CACNG5: variants seen among roughly 807,000 people sequenced by gnomAD.
CACNG5 encodes calcium voltage-gated channel auxiliary subunit gamma 5, also known as voltage-dependent calcium channel gamma-5 subunit.
A neutral mutation model predicts 24.8 loss-of-function variants in CACNG5; 18 were observed. The observed-to-expected ratio is 0.73, with a 90% CI of 0.50 to 1.08. The LOEUF (loss-of-function observed/expected upper bound fraction) is 1.08. CACNG5 is among the 50% of genes least tolerant of loss of function. The pLI, the probability that CACNG5 is intolerant of heterozygous loss-of-function variation, is 0.00. For synonymous variants in CACNG5, 157 were observed against 149.1 expected, an observed-to-expected ratio of 1.05 and a Z score of -0.39; for missense variants, 349 against 367.9, an observed-to-expected ratio of 0.95 and a Z score of 0.42.
chr17:66,841,157 T>C (rs1976562147), intron 1 of CACNG5, among the ~76,000 whole-genome samples: 1 of 152,160 alleles, frequency 6.6e-6, no homozygotes, highest in Non-Finnish European at 1.5e-5. Flanking sequence ...CCAATCAATA[T>C]ATGTAAGATG....
intron 1 of CACNG5, among the ~76,000 whole-genome samples, chr17:66,855,404 GA>G (rs1318948267): frequency 6.6e-6 from 1 of 152,198 alleles, no homozygotes; most frequent in Non-Finnish European, 1.5e-5. Context: ...ATGTTCAACC[GA>G]CAGGGGGCGA....
At chr17:66,872,190 G>A (rs527475150) in intron 1 of CACNG5, among the ~76,000 whole-genome samples, 17 of 152,220 alleles carry the variant, frequency 1.1e-4, no homozygotes, top group Non-Finnish European at 2.1e-4. Flanking sequence ...TTTTGTATAC[G>A]GTTGAGTTTA....
intron 4 of CACNG5, among the ~76,000 whole-genome samples, chr17:66,882,329 G>A (rs1977170949): frequency 6.6e-6 from 1 of 152,154 alleles, no homozygotes; most frequent in South Asian, 2.1e-4. Context: ...TTTAGTGTGG[G>A]AAATGCTGAG....
At chr17:66,873,684 T>C (rs1260308551) in intron 1 of CACNG5, among the ~76,000 whole-genome samples, 2 of 152,206 alleles carry the variant, frequency 1.3e-5, no homozygotes, top group Non-Finnish European at 2.9e-5. Flanking sequence ...TTTCAAAGCA[T>C]AGTCATATCT....
At chr17:66,866,659 C>T (rs1463810484) in intron 1 of CACNG5, among the ~76,000 whole-genome samples, 1 of 152,084 alleles carries the variant, frequency 6.6e-6, no homozygotes, top group Non-Finnish European at 1.5e-5. Flanking sequence ...GTGTTTTTCC[C>T]CTCCCTGTGT....
intron 1 of CACNG5, among the ~76,000 whole-genome samples, chr17:66,858,496 G>C (rs189227804): frequency 6.6e-5 from 10 of 152,056 alleles, no homozygotes; most frequent in Admixed American, 2.6e-4. Context: ...CACCCGCCAC[G>C]CTCTCCCCAG....
In CACNG5 at chr17:66,887,667, T is replaced by TAAA. The variant is rs1977282022; in HGVS notation, c.*2427_*2428insAAA. 1.3e-5 allele frequency among the ~76,000 whole-genome samples: 2 copies of TAAA among 152,174 alleles called. No individual in the cohort carries two copies. Among genetic ancestry groups the TAAA allele is most frequent in the Admixed American group, 1.3e-4 (2 of 15,284 alleles). ...TCTGTCACTGTGCCAGGCTTGTTTT[T>TAAA]GGTGCACCTGGAAAAAGTAGAATCC... On this transcript the variant is annotated 3_prime_UTR_variant, in exon 6 of 6. Transcript: ENST00000533854.
At chr17:66,860,429 A>T (rs182982701) in intron 1 of CACNG5, among the ~76,000 whole-genome samples, 133 of 152,328 alleles carry the variant, frequency 8.7e-4, no homozygotes, top group African/African-American at 3.1e-3. Context: ...ACTCCCCTGT[A>T]AGAGTAAGAA....
intron 5 of CACNG5, 106 bp downstream of exon 5, chr17:66,884,767 A>G (rs1598065501): frequency 1.2e-6 from 2 of 1,613,418 alleles, no homozygotes; most frequent in Non-Finnish European, 1.7e-6. Flanking sequence ...ACCATTTTGG[A>G]CCCCGGACCA....
rs548241102 is a variant in CACNG5 at position 66,852,485 on chromosome 17, C to T, written c.-104+17235C>T. Among the ~76,000 whole-genome samples the T allele has an allele frequency of 1.3e-4, 20 of 152,214 alleles. No individual in the cohort carries two copies. The South Asian group carries it at 4.2e-3, about 32-fold the overall frequency. ...ATATACCCACAAAAAGAAACAGGCCCACATGGTTTTACTTGGCAAGTTTTA... is the reference window on the plus strand; with the variant it reads ...ATATACCCACAAAAAGAAACAGGCCTACATGGTTTTACTTGGCAAGTTTTA... On this transcript the variant is annotated intron_variant, in intron 1 of 5. Coordinates refer to ENST00000533854, the MANE Select transcript of CACNG5 (RefSeq NM_145811.3).
At chr17:66,847,884 G>A (rs1598046185) in intron 1 of CACNG5, among the ~76,000 whole-genome samples, 1 of 152,342 alleles carries the variant, frequency 6.6e-6, no homozygotes, top group Admixed American at 6.5e-5. Context: ...GCCAGCAGAT[G>A]CACAGCACCA....
At chr17:66,874,805 C>T (rs1977052826) in intron 1 of CACNG5, among the ~76,000 whole-genome samples, 1 of 152,186 alleles carries the variant, frequency 6.6e-6, no homozygotes, top group Non-Finnish European at 1.5e-5. Context: ...AAGTTCAAGG[C>T]TCTGTTCGCC....
At chr17:66,869,173 T>A (rs937770441) in intron 1 of CACNG5, among the ~76,000 whole-genome samples, 12 of 152,128 alleles carry the variant, frequency 7.9e-5, no homozygotes, top group Non-Finnish European at 1.3e-4. Flanking sequence ...AACCTCCGCC[T>A]CCCAGGTTCT....
intron 1 of CACNG5, among the ~76,000 whole-genome samples, chr17:66,872,930 C>A (rs1009872920): frequency 6.6e-6 from 1 of 152,160 alleles, no homozygotes; most frequent in African/African-American, 2.4e-5. Flanking sequence ...CCTGAGTGAC[C>A]TACTTTGGAT....
At chr17:66,864,430 G>C (rs1252188384) in intron 1 of CACNG5, among the ~76,000 whole-genome samples, 1 of 152,192 alleles carries the variant, frequency 6.6e-6, no homozygotes, top group African/African-American at 2.4e-5. Context: ...CTCAACTGCA[G>C]AGGTTGTACA....
chr17:66,858,629 T>C (rs1976813140), intron 1 of CACNG5, among the ~76,000 whole-genome samples: 1 of 152,090 alleles, frequency 6.6e-6, no homozygotes, highest in East Asian at 1.9e-4. Flanking sequence ...TGCTCTCCGA[T>C]GCCCAGCAGC....
In CACNG5 at chr17:66,861,025, GCACACA is replaced by G. The variant is rs140020871; in HGVS notation, c.-103-16189_-103-16184del. On this transcript the variant is annotated intron_variant, in intron 1 of 5. Coordinates refer to ENST00000533854, the MANE Select transcript of CACNG5 (RefSeq NM_145811.3). Reference sequence around the variant, plus strand: ...CATTTTATATATTGTGCACATGCACGCACACACACACACACACACACCAGAAGTATA... The same window carrying G: ...CATTTTATATATTGTGCACATGCACGCACACACACACACACCAGAAGTATA... Among the ~76,000 whole-genome samples the G allele has an allele frequency of 7.2e-4, 108 of 150,312 alleles. 2 individuals are homozygous for G. The highest frequency in any genetic ancestry group is 6.9e-3 in the Middle Eastern group (2 of 290).
rs180896668 is a variant in CACNG5, at chr17:66,877,353, G to C, written c.21G>C (p.Lys7Asn). 8.1e-6 allele frequency: 13 copies of C among 1,614,006 alleles called. No individual in the cohort carries two copies. In the East Asian group the frequency reaches 2.7e-4, roughly 33 times the overall value. Residue 7 changes from lysine to asparagine, a missense_variant, in exon 2 of 6, where the codon AAG becomes AAC. Transcript: ENST00000533854. ...GGAAGATGAGTGCCTGCGGGAGGAA[G>C]GCCCTGACCCTGCTGAGCAGTGTCT... MSACGR[K>N]ALTLLSSVFA...
intron 1 of CACNG5, among the ~76,000 whole-genome samples, chr17:66,854,399 C>G (rs1033850886): frequency 6.7e-6 from 1 of 148,392 alleles, no homozygotes; most frequent in Non-Finnish European, 1.5e-5. Flanking sequence ...GCACTCCAGC[C>G]TGGGTGACAG....
Sources: gnomAD v4.1 joint callset for allele counts (sites outside exome capture counted in the v4.1 genomes callset) on GRCh38, gnomAD v4.1.1 for gene constraint, MANE v1.5 for transcripts, NCBI Gene and HGNC (gene_info 2026-07-23, HGNC 2026-07-21) for gene names.